Variants in ARHGAP42 observed in about 807,000 individuals in gnomAD.
ARHGAP42 encodes rho GTPase-activating protein 42.
A neutral mutation model predicts 125.0 loss-of-function variants in ARHGAP42; 63 were observed. The ratio of observed to expected loss-of-function variants is 0.50; its 90% CI spans 0.41 to 0.62. The LOEUF is 0.62. Among genes scored for constraint, ARHGAP42 ranks in the 20% least tolerant of loss-of-function variants. The pLI, the probability that ARHGAP42 is intolerant of heterozygous loss-of-function variation, is 0.00. For synonymous variants in ARHGAP42, 339 were observed against 351.0 expected (o/e 0.97, Z 0.38); for missense variants, 766 against 1,024.2 (o/e 0.75, Z 3.44).
At chr11:100,734,085 C>A (rs1321621756) in intron 1 of ARHGAP42, among the ~76,000 whole-genome samples, 1 of 150,796 alleles carries the variant, frequency 6.6e-6, no homozygotes, top group Non-Finnish European at 1.5e-5. Context: ...CAGGCACCCA[C>A]CAGCATGCCC....
At chr11:100,876,753 A>G (rs191393186) in intron 4 of ARHGAP42, among the ~76,000 whole-genome samples, 1 of 152,334 alleles carries the variant, frequency 6.6e-6, no homozygotes, top group Non-Finnish European at 1.5e-5. Flanking sequence ...TCTACCATTT[A>G]TATTCATCAT....
intron 7 of ARHGAP42, among the ~76,000 whole-genome samples, chr11:100,934,593 C>A (rs1236479605): frequency 6.6e-6 from 1 of 152,146 alleles, no homozygotes; most frequent in Non-Finnish European, 1.5e-5. Context: ...GTTGAGCCAA[C>A]CTATTTCACA....
chr11:100,888,813 C>T (rs761965621), intron 4 of ARHGAP42, among the ~76,000 whole-genome samples: 1 of 152,136 alleles, frequency 6.6e-6, no homozygotes, highest in Non-Finnish European at 1.5e-5. Flanking sequence ...TGGTGATGGG[C>T]ACAGTGGCAC....
chr11:100,752,546 T>A (rs1446082581), intron 1 of ARHGAP42, among the ~76,000 whole-genome samples: 3 of 152,216 alleles, frequency 2.0e-5, no homozygotes, highest in Non-Finnish European at 4.4e-5. Context: ...GTGACTACTG[T>A]TGTTCCTCTT....
At chr11:100,986,562 G>A (rs1858684041) in intron 22 of ARHGAP42, among the ~76,000 whole-genome samples, 1 of 152,144 alleles carries the variant, frequency 6.6e-6, no homozygotes, top group African/African-American at 2.4e-5. Flanking sequence ...CCCTCTGGCT[G>A]CTCTATAGAT....
chr11:100,904,804 A>G (rs186955201), intron 4 of ARHGAP42, among the ~76,000 whole-genome samples: 3 of 152,222 alleles, frequency 2.0e-5, no homozygotes, highest in Non-Finnish European at 4.4e-5. Flanking sequence ...CCTTGGTCAG[A>G]TTACTTCTCT....
In ARHGAP42 at chr11:100,976,870, G is replaced by A. The variant is rs1858406064; in HGVS notation, c.2292G>A (p.Glu764=). Residue 764 remains glutamate, a synonymous_variant, in exon 21 of 24, where the codon GAG becomes GAA. Coordinates refer to ENST00000298815, the MANE Select transcript of ARHGAP42 (RefSeq NM_152432.4). ...GCTTAACTTCTGTAGGTTCCAAGGA[G>A]ACACCCAAAGCTTCACCAAACCCAG... ...IQSLTSVGSK[E]TPKASPNPDL... is the part of the protein sequence containing the mutation. 6.4e-7 allele frequency: 1 copy of A among 1,551,396 alleles called. No individual in the cohort carries two copies. Among genetic ancestry groups the A allele is most frequent in the Non-Finnish European group, 8.7e-7 (1 of 1,146,892 alleles).
chr11:100,955,273 T>C (rs1857774157), intron 12 of ARHGAP42, among the ~76,000 whole-genome samples: 1 of 152,148 alleles, frequency 6.6e-6, no homozygotes, highest in African/African-American at 2.4e-5. Flanking sequence ...TGATTGAATA[T>C]ATTAAGTTGA....
At chr11:100,834,109 C>A (rs1233682910) in intron 3 of ARHGAP42, among the ~76,000 whole-genome samples, 1 of 152,130 alleles carries the variant, frequency 6.6e-6, no homozygotes, top group African/African-American at 2.4e-5. Flanking sequence ...CTATTTACAG[C>A]TGTCCAGTCA....
intron 1 of ARHGAP42, among the ~76,000 whole-genome samples, chr11:100,719,453 A>T (rs941833866): frequency 3.3e-5 from 5 of 152,166 alleles, no homozygotes; most frequent in Middle Eastern, 3.2e-3. Context: ...AGAGGACCTT[A>T]AGTGATCAAG....
At chr11:100,987,392 C>CT in intron 22 of ARHGAP42, 121 bp from the exon 23 acceptor site, 1 of 799,050 alleles carries the variant, frequency 1.3e-6, no homozygotes, top group Non-Finnish European at 2.1e-6. Flanking sequence ...CATATATGCA[C>CT]TTTATGTACA....
intron 3 of ARHGAP42, among the ~76,000 whole-genome samples, chr11:100,830,012 T>C (rs1202248583): frequency 6.6e-6 from 1 of 152,234 alleles, no homozygotes; most frequent in African/African-American, 2.4e-5. Flanking sequence ...CTTTCAAATA[T>C]GTGTTCTGTA....
At chr11:100,949,183 T>C (rs1444296571) in intron 11 of ARHGAP42, among the ~76,000 whole-genome samples, 1 of 151,938 alleles carries the variant, frequency 6.6e-6, no homozygotes, top group African/African-American at 2.4e-5. Context: ...TGAGAACCAT[T>C]CTTTAGATGG....
chr11:100,772,973 A>C (rs1037728659), intron 2 of ARHGAP42, among the ~76,000 whole-genome samples: 3 of 152,098 alleles, frequency 2.0e-5, no homozygotes, highest in Non-Finnish European at 4.4e-5. Context: ...AGTAACTGGG[A>C]TTATAGGCGT....
intron 5 of ARHGAP42, among the ~76,000 whole-genome samples, chr11:100,920,786 T>C (rs1423933224): frequency 6.6e-6 from 1 of 152,178 alleles, no homozygotes; most frequent in Non-Finnish European, 1.5e-5. Flanking sequence ...CAAAGCATGA[T>C]TCATCAGTTT....
chr11:100,803,219 A>AAG (rs1294171607), intron 3 of ARHGAP42, among the ~76,000 whole-genome samples: 6 of 151,686 alleles, frequency 4.0e-5, no homozygotes, highest in Non-Finnish European at 7.4e-5. Flanking sequence ...CTACTAAAAA[A>AAG]AAAAAAATTG....
chr11:100,781,433 G>A (rs1863308420), intron 2 of ARHGAP42, among the ~76,000 whole-genome samples: 1 of 152,118 alleles, frequency 6.6e-6, no homozygotes, highest in African/African-American at 2.4e-5. Context: ...CAGACCCAGA[G>A]GTGAAATGAT....
At chr11:100,870,034 G>A (rs1865662592) in intron 4 of ARHGAP42, among the ~76,000 whole-genome samples, 1 of 152,240 alleles carries the variant, frequency 6.6e-6, no homozygotes, top group Admixed American at 6.5e-5. Context: ...ATACAGTGGA[G>A]CCTCATTTAT....
intron 1 of ARHGAP42, among the ~76,000 whole-genome samples, chr11:100,722,667 G>A (rs1480514221): frequency 6.6e-6 from 1 of 152,198 alleles, no homozygotes; most frequent in Non-Finnish European, 1.5e-5. Flanking sequence ...GGGATTACAG[G>A]CGCAAGCCAC....
Sources: gnomAD v4.1 joint callset for allele counts (sites outside exome capture counted in the v4.1 genomes callset) on GRCh38, gnomAD v4.1.1 for gene constraint, MANE v1.5 for transcripts, NCBI Gene and HGNC (gene_info 2026-07-23, HGNC 2026-07-21) for gene names.